Variants in ASIC2 observed in about 807,000 individuals in gnomAD.
The protein encoded by ASIC2 is acid sensing ion channel subunit 2, also known as acid-sensing ion channel 2.
ASIC2 carries 25 observed loss-of-function variants against 57.3 expected under a neutral mutation model. The observed-to-expected ratio is 0.44, with a 90% CI of 0.32 to 0.61. ASIC2 has a LOEUF of 0.61. Among genes scored for constraint, ASIC2 ranks in the 20% least tolerant of loss-of-function variants. The pLI is 0.06. For missense variants in ASIC2, 641 were observed against 738.1 expected (o/e 0.87, Z 1.52); for synonymous variants, 319 against 307.5 (o/e 1.04, Z -0.39).
At chr17:33,173,689 C>G (rs898490545) in intron 1 of ASIC2, among the ~76,000 whole-genome samples, 1 of 152,206 alleles carries the variant, frequency 6.6e-6, no homozygotes, top group East Asian at 1.9e-4. Flanking sequence ...AGCCATTTAA[C>G]AGCTGTGAGA....
intron 1 of ASIC2, among the ~76,000 whole-genome samples, chr17:34,034,446 A>T (rs919686728): frequency 4.6e-5 from 7 of 152,272 alleles, no homozygotes; most frequent in Admixed American, 6.5e-5. Context: ...CTTTGAAAAC[A>T]GGCACAAGAC....
chr17:33,312,379 A>T (rs551795291), intron 1 of ASIC2, among the ~76,000 whole-genome samples: 1 of 152,248 alleles, frequency 6.6e-6, no homozygotes, highest in East Asian at 1.9e-4. Flanking sequence ...CATGGATCCA[A>T]GTTAGGAAGT....
rs1913853295 is a variant in ASIC2 at position 33,494,143 on chromosome 17, A to G, written c.556-382076T>C. On this transcript the variant is annotated intron_variant, in intron 1 of 9. Coordinates refer to the ASIC2 transcript ENST00000359872. ...TCTTCCAGTGCCCCTCTCAATCACC[A>G]GGAACCACTGCCTTTCCCCAGACAG... Among the ~76,000 whole-genome samples, 3 of 152,206 alleles carry G rather than the reference A, an allele frequency of 2.0e-5. No individual in the cohort carries two copies. The South Asian group carries it at 6.2e-4, about 32-fold the overall frequency.
intron 1 of ASIC2, among the ~76,000 whole-genome samples, chr17:33,989,430 A>T (rs139387524): frequency 9.2e-4 from 140 of 152,154 alleles, no homozygotes; most frequent in African/African-American, 3.3e-3. Context: ...AATTTCCAGG[A>T]AATTGGAAAA....
At chr17:33,781,802 T>G (rs763488955) in intron 1 of ASIC2, among the ~76,000 whole-genome samples, 3 of 152,192 alleles carry the variant, frequency 2.0e-5, no homozygotes, top group Non-Finnish European at 4.4e-5. Context: ...GGACCCAGCC[T>G]TAAAGACATA....
chr17:33,660,715 G>A (rs1016991047), intron 1 of ASIC2, among the ~76,000 whole-genome samples: 1 of 152,170 alleles, frequency 6.6e-6, no homozygotes, highest in Admixed American at 6.5e-5. Context: ...CCCGTGCTGC[G>A]CTATGATACC....
At chr17:33,596,563 C>T (rs185288428) in intron 1 of ASIC2, among the ~76,000 whole-genome samples, 1 of 152,268 alleles carries the variant, frequency 6.6e-6, no homozygotes, top group East Asian at 1.9e-4. Flanking sequence ...ATCAGCGCCC[C>T]CGGCCTTGGT....
In ASIC2 at chr17:33,469,333, C is replaced by T. The variant is rs1049383301; in HGVS notation, c.556-357266G>A. ...AGCCAGGCCAACCCAAGGGCAGAGA[C>T]CATGAGGAATGGGGCAGTAGGCAGG... On this transcript the variant is annotated intron_variant, in intron 1 of 9. Transcript: ENST00000359872. Among the ~76,000 whole-genome samples the T allele has an allele frequency of 2.6e-5, 4 of 152,164 alleles. 1 individual carries two copies. Among genetic ancestry groups the T allele is most frequent in the African/African-American group, 9.7e-5 (4 of 41,434 alleles).
At chr17:33,152,416 A>C (rs1317890314) in intron 1 of ASIC2, among the ~76,000 whole-genome samples, 1 of 152,208 alleles carries the variant, frequency 6.6e-6, no homozygotes, top group Non-Finnish European at 1.5e-5. Flanking sequence ...GCACCAGGAA[A>C]AGCTTCAAGG....
chr17:33,229,592 T>A (rs1908015018), intron 1 of ASIC2, among the ~76,000 whole-genome samples: 1 of 152,090 alleles, frequency 6.6e-6, no homozygotes, highest in Non-Finnish European at 1.5e-5. Flanking sequence ...GAAGATACAG[T>A]GTGAAGAGCA....
chr17:34,023,656 G>A (rs538266412), intron 1 of ASIC2, among the ~76,000 whole-genome samples: 5 of 152,238 alleles, frequency 3.3e-5, no homozygotes, highest in East Asian at 1.9e-4. Context: ...GAGGACCTCC[G>A]GAGGTGCAGC....
At chr17:33,467,753 G>A (rs1412832937) in intron 1 of ASIC2, among the ~76,000 whole-genome samples, 4 of 152,104 alleles carry the variant, frequency 2.6e-5, no homozygotes, top group Admixed American at 2.0e-4. Flanking sequence ...CCTATGACCT[G>A]GAAGCAGATC....
In ASIC2 at chr17:34,088,682, G is replaced by T. The variant is rs545584764; in HGVS notation, c.555+67296C>A. On this transcript the variant is annotated intron_variant, in intron 1 of 9. Coordinates refer to the ASIC2 transcript ENST00000359872. Reference sequence around the variant, plus strand: ...AGGCAGGCCTCCTTGAGCTGTGGTGGGCTCCACCCAGTTCAAGCTTCCCGG... The same window carrying T: ...AGGCAGGCCTCCTTGAGCTGTGGTGTGCTCCACCCAGTTCAAGCTTCCCGG... Among the ~76,000 whole-genome samples the T allele has an allele frequency of 1.9e-3, 295 of 152,332 alleles. 1 individual carries two copies. Among genetic ancestry groups the T allele is most frequent in the Admixed American group, 3.1e-3 (48 of 15,294 alleles).
intron 1 of ASIC2, among the ~76,000 whole-genome samples, chr17:33,822,181 T>A (rs1253967586): frequency 6.6e-6 from 1 of 152,184 alleles, no homozygotes; most frequent in East Asian, 1.9e-4. Context: ...GGCAGCTCAA[T>A]CCTCTGAGCT....
At position 33,178,271 on chromosome 17, in the gene ASIC2, G is replaced by T. The variant is rs529091862; in HGVS notation, c.709-66204C>A. ...TGTACATAATAAATATATATAACTT[G>T]TATCTGTCAATTAAAAATTTTAAAA... On this transcript the variant is annotated intron_variant, in intron 1 of 9. Coordinates refer to ENST00000225823, the MANE Select transcript of ASIC2 (RefSeq NM_183377.2). Among the ~76,000 whole-genome samples the T allele has an allele frequency of 7.9e-5, 12 of 152,074 alleles. No individual in the cohort carries two copies. In the South Asian group the frequency reaches 2.5e-3, roughly 32 times the overall value.
At chr17:34,154,383 C>T (rs1221974226) in intron 1 of ASIC2, among the ~76,000 whole-genome samples, 5 of 152,218 alleles carry the variant, frequency 3.3e-5, no homozygotes, top group East Asian at 1.9e-4. Flanking sequence ...GGTCCCTTCT[C>T]CCAGCTCAGA....
chr17:33,910,265 G>T (rs946036979), intron 1 of ASIC2, among the ~76,000 whole-genome samples: 2 of 152,148 alleles, frequency 1.3e-5, no homozygotes, highest in African/African-American at 4.8e-5. Flanking sequence ...AATTTATTGA[G>T]CACTCACTGT....
chr17:34,043,613 T>C (rs1018831104), intron 1 of ASIC2, among the ~76,000 whole-genome samples: 2 of 152,264 alleles, frequency 1.3e-5, no homozygotes, highest in African/African-American at 4.8e-5. Context: ...TGTTAATCCA[T>C]GCAGAAAGTA....
At chr17:33,028,480 G>T in intron 3 of ASIC2, 88 bp from the exon 4 acceptor site, 1 of 1,508,916 alleles carries the variant, frequency 6.6e-7, no homozygotes, top group South Asian at 1.2e-5. Flanking sequence ...AACAATTATT[G>T]AGCATTTAAA....
Sources: allele counts gnomAD v4.1 joint callset (sites outside exome capture counted in the v4.1 genomes callset), GRCh38; gene constraint gnomAD v4.1.1; transcripts MANE v1.5; gene names NCBI Gene and HGNC (gene_info 2026-07-23, HGNC 2026-07-21).